The following ABCB1 variants were observed in gnomAD, a reference collection of about 807,000 sequenced individuals.
The protein encoded by ABCB1 is ATP binding cassette subfamily B member 1, also known as ATP-dependent translocase ABCB1.
In ABCB1, 69 loss-of-function variants were observed where a neutral mutation model predicts 142.0. The observed-to-expected ratio is 0.49, with a 90% CI of 0.40 to 0.59. The LOEUF is 0.59. Among genes scored for constraint, ABCB1 ranks in the 20% least tolerant of loss-of-function variants. ABCB1 has a pLI of 0.00. For synonymous variants in ABCB1, 532 were observed against 539.2 expected (o/e 0.99, Z 0.18); for missense variants, 1,326 against 1,554.7 (o/e 0.85, Z 2.47).
At chr7:87,629,740 C>T (rs1042933641) in intron 1 of ABCB1, among the ~76,000 whole-genome samples, 2 of 151,930 alleles carry the variant, frequency 1.3e-5, no homozygotes, top group African/African-American at 2.4e-5. Flanking sequence ...GCCTGGCCAA[C>T]ATAGTGAAAC....
intron 26 of ABCB1, among the ~76,000 whole-genome samples, chr7:87,507,767 T>C (rs1407301143): frequency 2.0e-5 from 3 of 152,100 alleles, no homozygotes; most frequent in Admixed American, 1.3e-4. Flanking sequence ...GCATAACTGG[T>C]GATAATGGGT....
At chr7:87,648,359 A>T (rs1171035385) in intron 1 of ABCB1, among the ~76,000 whole-genome samples, 1 of 152,124 alleles carries the variant, frequency 6.6e-6, no homozygotes. Context: ...GCAAATGTTC[A>T]TATAAAAATG....
chr7:87,598,605 T>C (rs2129993832), intron 2 of ABCB1, among the ~76,000 whole-genome samples: 1 of 152,352 alleles, frequency 6.6e-6, no homozygotes, highest in East Asian at 1.9e-4. Context: ...AGTTCCAAAA[T>C]GATAGCTGGA....
intron 1 of ABCB1, among the ~76,000 whole-genome samples, chr7:87,631,931 T>G (rs1821264941): frequency 6.6e-6 from 1 of 152,190 alleles, no homozygotes. Context: ...AAGCAAAAAA[T>G]GTTTATATTT....
chr7:87,562,554 C>T (rs1352919814), intron 7 of ABCB1, among the ~76,000 whole-genome samples: 1 of 152,004 alleles, frequency 6.6e-6, no homozygotes, highest in Admixed American at 6.5e-5. Flanking sequence ...AGGAAGATCA[C>T]TTCAAAGTGA....
intron 2 of ABCB1, among the ~76,000 whole-genome samples, chr7:87,596,958 G>T (rs1023002203): frequency 6.6e-6 from 1 of 152,012 alleles, no homozygotes; most frequent in Non-Finnish European, 1.5e-5. Context: ...CTCTAAAACA[G>T]CTGCTACTCT....
Position 87,585,527 on chromosome 7 carries a change from T to C in ABCB1, c.271A>G (p.Asn91Asp), listed in dbSNP as rs1311363553. Residue 91 changes from asparagine (N) to aspartate (D), a missense_variant, in exon 4 of 28, where the codon AAC (asparagine) becomes GAC (aspartate). Coordinates refer to ENST00000622132, the MANE Select transcript of ABCB1 (RefSeq NM_001348946.2). Reference sequence around the variant, plus strand: ...CAATACTTACTTCTATTAGTGATGTTTGACATCAGATCTTCTAAATTTCCT... The same window carrying C: ...CAATACTTACTTCTATTAGTGATGTCTGACATCAGATCTTCTAAATTTCCT... ...NAGNLEDLMS[N>D]ITNRSDINDT... The C allele has an allele frequency of 1.1e-5, 18 of 1,613,652 alleles. No homozygotes were observed. Among genetic ancestry groups the C allele is most frequent in the Non-Finnish European group, 1.5e-5 (18 of 1,179,842 alleles).
chr7:87,690,591 A>G (rs1395129674), intron 1 of ABCB1, among the ~76,000 whole-genome samples: 4 of 152,188 alleles, frequency 2.6e-5, no homozygotes, highest in African/African-American at 7.2e-5. Context: ...AAAATGCTGT[A>G]TAAAAGATAG....
At chr7:87,583,674 T>A (rs17327442) in intron 4 of ABCB1, among the ~76,000 whole-genome samples, 28,314 of 152,128 alleles carry the variant, frequency 0.19, 2,944 homozygotes, top group Admixed American at 0.26. Flanking sequence ...TAGATCATCA[T>A]CTGTTTGGGA....
At chr7:87,677,993 A>T (rs1826551160) in intron 1 of ABCB1, among the ~76,000 whole-genome samples, 1 of 152,240 alleles carries the variant, frequency 6.6e-6, no homozygotes, top group African/African-American at 2.4e-5. Flanking sequence ...TCCCAGATAA[A>T]GGAAAACTAA....
chr7:87,535,758 G>T (rs1429355563), intron 20 of ABCB1, among the ~76,000 whole-genome samples: 1 of 152,082 alleles, frequency 6.6e-6, no homozygotes, highest in Non-Finnish European at 1.5e-5. Context: ...TTACAGAAAA[G>T]ATTTAAAGAT....
chr7:87,626,221 TA>T (rs1201225551), intron 1 of ABCB1, among the ~76,000 whole-genome samples: 1 of 90,890 alleles, frequency 1.1e-5, no homozygotes, highest in Non-Finnish European at 2.1e-5. Context: ...GTGTCATATA[TA>T]TGTCATATAT....
intron 1 of ABCB1, chr7:87,709,559 C>T: frequency 1.0e-6 from 1 of 973,178 alleles, no homozygotes; most frequent in Non-Finnish European, 1.2e-6. Context: ...CATTTTCTTC[C>T]CAGTAGTACT....
At chr7:87,554,936 C>T (rs532647265) in intron 8 of ABCB1, among the ~76,000 whole-genome samples, 1 of 152,050 alleles carries the variant, frequency 6.6e-6, no homozygotes, top group Non-Finnish European at 1.5e-5. Flanking sequence ...GAAAAAAAAT[C>T]GAAAAACAAT....
At chr7:87,536,723 T>G (rs532373169) in intron 19 of ABCB1, among the ~76,000 whole-genome samples, 182 bp from the exon 20 acceptor site, 1 of 152,362 alleles carries the variant, frequency 6.6e-6, no homozygotes, top group East Asian at 1.9e-4. Context: ...TCATTTCATT[T>G]GTCAGAAAAA....
rs1392973274 is a variant in ABCB1, at chr7:87,524,670, G to T, written c.2686-3794C>A. 4.0e-5 allele frequency among the ~76,000 whole-genome samples: 6 copies of T among 151,848 alleles called. 1 individual carries two copies. The highest frequency in any genetic ancestry group is 1.4e-4 in the African/African-American group (6 of 41,404). On this transcript the variant is annotated intron_variant, in intron 21 of 27. Coordinates refer to ENST00000622132, the MANE Select transcript of ABCB1 (RefSeq NM_001348946.2). ...TTGGTGGGTACAGCACACCAACATGGCACATGTATACATATGTAACTAACC... is the reference window on the plus strand; with the variant it reads ...TTGGTGGGTACAGCACACCAACATGTCACATGTATACATATGTAACTAACC...
intron 1 of ABCB1, among the ~76,000 whole-genome samples, chr7:87,633,482 G>C (rs1821429688): frequency 6.6e-6 from 1 of 152,176 alleles, no homozygotes. Flanking sequence ...AGTGGCCCCA[G>C]AAGATTATGT....
intron 1 of ABCB1, among the ~76,000 whole-genome samples, chr7:87,707,744 C>A (rs1157250272): frequency 1.3e-5 from 2 of 151,746 alleles, no homozygotes; most frequent in Non-Finnish European, 2.9e-5. Context: ...TTATCATACA[C>A]CCAGTGGAGT....
At chr7:87,506,804 G>C (rs904884616) in intron 26 of ABCB1, among the ~76,000 whole-genome samples, 1 of 152,112 alleles carries the variant, frequency 6.6e-6, no homozygotes, top group Non-Finnish European at 1.5e-5. Context: ...TTTAGTACAG[G>C]GTTGCCTATT....
Sources: allele counts gnomAD v4.1 joint callset (sites outside exome capture counted in the v4.1 genomes callset), GRCh38; gene constraint gnomAD v4.1.1; transcripts MANE v1.5; gene names NCBI Gene and HGNC (gene_info 2026-07-23, HGNC 2026-07-21).